The following PTPN13 variants were observed in gnomAD, a reference collection of about 807,000 sequenced individuals.
The protein encoded by PTPN13 is tyrosine-protein phosphatase non-receptor type 13.
In PTPN13, 191 loss-of-function variants were observed where a neutral mutation model predicts 284.0. The observed-to-expected ratio is 0.67, with a 90% confidence interval of 0.60 to 0.76. PTPN13 has a LOEUF of 0.76. PTPN13 is among the 30% of genes least tolerant of loss of function. The pLI is 0.00. For missense variants in PTPN13, 2,797 were observed against 2,939.9 expected (o/e 0.95, Z 1.12); for synonymous variants, 986 against 1,022.3 (o/e 0.96, Z 0.68).
intron 47 of PTPN13, among the ~76,000 whole-genome samples, chr4:86,813,288 G>A (rs1345997939): frequency 6.6e-6 from 1 of 152,068 alleles, no homozygotes; most frequent in Non-Finnish European, 1.5e-5. Context: ...AATATATTGT[G>A]AGTTTTTTAT....
chr4:86,660,352 A>G (rs1317172872), intron 2 of PTPN13, among the ~76,000 whole-genome samples: 4 of 152,200 alleles, frequency 2.6e-5, no homozygotes. Flanking sequence ...CGATTAAAGC[A>G]TAAGAAGAGA....
At position 86,722,245 on chromosome 4, in the gene PTPN13, A is replaced by T. The variant is rs79075908; in HGVS notation, c.1419A>T (p.Leu473Phe). Residue 473 changes from leucine (L) to phenylalanine (F), a missense_variant, in exon 10 of 48, where the codon TTA (leucine) becomes TTT (phenylalanine). Transcript: ENST00000411767. ...RQYETPFEGN[L>F]INQEIMLKRQ... ...ATGAAACACCCTTTGAAGGCAACTT[A>T]ATTAATCAAGAGATCATGCTAAAAC... 1,628 of 1,613,830 alleles carry T rather than the reference A, an allele frequency of 1.0e-3. 24 individuals are homozygous for T. In the African/African-American group the frequency reaches 0.019, roughly 19 times the overall value.
chr4:86,614,835 G>A (rs1720357087), intron 1 of PTPN13, among the ~76,000 whole-genome samples: 1 of 152,032 alleles, frequency 6.6e-6, no homozygotes, highest in Admixed American at 6.5e-5. Flanking sequence ...AATGCCCTTT[G>A]TAAACCTCAG....
At chr4:86,745,285 A>G (rs1218980067) in intron 17 of PTPN13, among the ~76,000 whole-genome samples, 157 bp downstream of exon 17, 1 of 152,250 alleles carries the variant, frequency 6.6e-6, no homozygotes, top group Non-Finnish European at 1.5e-5. Flanking sequence ...AAGTGAAGCC[A>G]ATATTTCAAT....
chr4:86,707,449 A>G (rs1479176795), intron 7 of PTPN13, among the ~76,000 whole-genome samples: 1 of 152,146 alleles, frequency 6.6e-6, no homozygotes, highest in African/African-American at 2.4e-5. Context: ...GAATATGTAA[A>G]CACTCAAGTA....
intron 20 of PTPN13, among the ~76,000 whole-genome samples, chr4:86,754,901 G>A (rs992624503): frequency 2.0e-5 from 3 of 152,000 alleles, no homozygotes; most frequent in Non-Finnish European, 4.4e-5. Flanking sequence ...CAGTTAGCTT[G>A]CAAACAAGGC....
intron 2 of PTPN13, among the ~76,000 whole-genome samples, chr4:86,643,212 A>G (rs995127404): frequency 6.6e-6 from 1 of 152,222 alleles, no homozygotes; most frequent in African/African-American, 2.4e-5. Context: ...AGAATAAAGC[A>G]TTTGATAAAG....
intron 44 of PTPN13, among the ~76,000 whole-genome samples, chr4:86,805,832 T>G (rs565809090): frequency 6.6e-6 from 1 of 152,214 alleles, no homozygotes; most frequent in East Asian, 1.9e-4. Flanking sequence ...CAGCCTACAT[T>G]AGACATTTCA....
At chr4:86,799,550 G>A (rs1321196042) in intron 42 of PTPN13, among the ~76,000 whole-genome samples, 1 of 151,100 alleles carries the variant, frequency 6.6e-6, no homozygotes, top group African/African-American at 2.4e-5. Flanking sequence ...GGCTGGTCTG[G>A]AACTCCTGAC....
intron 12 of PTPN13, 80 bp downstream of exon 12, chr4:86,732,846 A>T: frequency 1.6e-6 from 2 of 1,263,886 alleles, no homozygotes; most frequent in Non-Finnish European, 2.1e-6. Flanking sequence ...ACCATGCCTG[A>T]CCTCATTTTG....
In PTPN13 at chr4:86,653,894, A is replaced by T. The variant is rs11933110; in HGVS notation, c.116-18471A>T. ...ATCTGTGGTGCAGATACGAATATTTAACTTAAAGCTGTGATGTGTACCTAA... is the reference window on the plus strand; with the variant it reads ...ATCTGTGGTGCAGATACGAATATTTTACTTAAAGCTGTGATGTGTACCTAA... On this transcript the variant is annotated intron_variant, in intron 2 of 47. Coordinates refer to ENST00000411767, the MANE Select transcript of PTPN13 (RefSeq NM_080683.3). Among the ~76,000 whole-genome samples the T allele has an allele frequency of 5.5e-3, 844 of 152,304 alleles. 7 individuals are homozygous for T. The highest frequency in any genetic ancestry group is 0.018 in the African/African-American group (750 of 41,572).
intron 9 of PTPN13, among the ~76,000 whole-genome samples, chr4:86,721,343 A>G (rs1218986790): frequency 1.3e-5 from 2 of 152,118 alleles, no homozygotes; most frequent in Admixed American, 6.5e-5. Context: ...ACAGGTAATC[A>G]TTGAGCACCT....
intron 2 of PTPN13, among the ~76,000 whole-genome samples, chr4:86,642,446 CTTCTTTTTTT>C (rs1290950986): frequency 4.7e-5 from 3 of 63,568 alleles, no homozygotes; most frequent in African/African-American, 6.0e-5. Flanking sequence ...TCTTCTTCTT[CTTCTTTTTTT>C]TTTTTTTTTT....
chr4:86,797,945 T>C (rs1426872224), intron 41 of PTPN13, among the ~76,000 whole-genome samples: 2 of 152,118 alleles, frequency 1.3e-5, no homozygotes, highest in Non-Finnish European at 2.9e-5. Flanking sequence ...ATATAAAATA[T>C]AAACTTTATT....
At chr4:86,774,336 T>C (rs779707789) in intron 32 of PTPN13, 37 bp from the exon 33 acceptor site, 1 of 1,564,290 alleles carries the variant, frequency 6.4e-7, no homozygotes, top group Admixed American at 1.8e-5. Flanking sequence ...TAGTGCAGAA[T>C]AGACAACCTA....
At chr4:86,791,267 G>C (rs954889427) in intron 40 of PTPN13, among the ~76,000 whole-genome samples, 1 of 152,182 alleles carries the variant, frequency 6.6e-6, no homozygotes, top group Non-Finnish European at 1.5e-5. Flanking sequence ...AGATCAACCT[G>C]TGACACTGCA....
chr4:86,809,920 T>C lies in PTPN13; in HGVS notation c.7235T>C (p.Ile2412Thr), dbSNP rs773629984. 97 of 1,613,880 alleles carry C rather than the reference T, an allele frequency of 6.0e-5. No individual in the cohort carries two copies. The highest frequency in any genetic ancestry group is 7.7e-5 in the Non-Finnish European group (91 of 1,179,898). The change falls in exon 46 of 48, where the codon ATT becomes ACT. Residue 2412 changes from isoleucine (I) to threonine (T), a missense_variant. Coordinates refer to ENST00000411767, the MANE Select transcript of PTPN13 (RefSeq NM_080683.3). ...ATCATTACGCACTGCAGTGCTGGCATTGGACGTTCAGGGACCCTGATTTGC... is the reference window on the plus strand; with the variant it reads ...ATCATTACGCACTGCAGTGCTGGCACTGGACGTTCAGGGACCCTGATTTGC... ...GPIITHCSAGIGRSGTLICID... is the reference protein window; with the variant it reads ...GPIITHCSAGTGRSGTLICID...
chr4:86,607,016 T>C (rs1764820630), intron 1 of PTPN13, among the ~76,000 whole-genome samples: 1 of 151,926 alleles, frequency 6.6e-6, no homozygotes. Context: ...CTTAGCATTC[T>C]TTTAAATTCA....
At chr4:86,743,478 A>G (rs914585987) in intron 16 of PTPN13, among the ~76,000 whole-genome samples, 19 of 145,754 alleles carry the variant, frequency 1.3e-4, no homozygotes, top group Admixed American at 2.7e-4. Context: ...TTGTTAGGGG[A>G]AAAAAAAAAT....
Sources: gnomAD v4.1 joint callset for allele counts (sites outside exome capture counted in the v4.1 genomes callset) on GRCh38, gnomAD v4.1.1 for gene constraint, MANE v1.5 for transcripts, NCBI Gene and HGNC (gene_info 2026-07-23, HGNC 2026-07-21) for gene names.